NLRP5: variants seen among roughly 807,000 people sequenced by gnomAD.
NLRP5 encodes the protein NACHT, LRR and PYD domains-containing protein 5.
In NLRP5, 93 loss-of-function variants were observed where a neutral mutation model predicts 113.1. That is an observed-to-expected ratio of 0.82 (90% confidence interval 0.70 to 0.98). The LOEUF (loss-of-function observed/expected upper bound fraction) is 0.98. Ranked by LOEUF, NLRP5 falls within the 50% of genes least tolerant of loss-of-function variation. The probability of loss-of-function intolerance (pLI) is 0.00; values close to 1 mark genes in which losing one functional copy is unlikely to be tolerated. For missense variants in NLRP5, 1,808 were observed against 1,514.3 expected (o/e 1.19, Z -3.22); for synonymous variants, 751 against 600.7 (o/e 1.25, Z -3.66).
At chr19:56,000,599 C>T (rs1319627666) in intron 1 of NLRP5, among the ~76,000 whole-genome samples, 3 of 151,852 alleles carry the variant, frequency 2.0e-5, no homozygotes, top group African/African-American at 4.8e-5. Context: ...CTCCTGACCT[C>T]ATGATCCGCC....
Position 56,001,333 on chromosome 19 carries a change from AAAC to A in NLRP5, c.62+1549_62+1551del, listed in dbSNP as rs1235510754. 2.6e-3 allele frequency among the ~76,000 whole-genome samples: 352 copies of A among 138,032 alleles called. 7 individuals carry two copies. The highest frequency in any genetic ancestry group is 9.1e-3 in the African/African-American group (319 of 34,924). The allele number at this position is 138,032 out of a possible 152,430, so 90.6% of individuals were successfully genotyped here. A position where few individuals can be genotyped will look rare whatever the true frequency, so the allele number is the denominator to read the frequency against. On this transcript the variant is annotated intron_variant, in intron 1 of 14. Coordinates refer to ENST00000390649, the MANE Select transcript of NLRP5 (RefSeq NM_153447.4). ...GCAAGACTCAGTCATTTAAAAAAAAAAACAAACAAAAAACACCACAGCTTATTG... is the reference window on the plus strand; with the variant it reads ...GCAAGACTCAGTCATTTAAAAAAAAAAAACAAAAAACACCACAGCTTATTG...
the NLRP5 span, among the ~76,000 whole-genome samples, chr19:55,991,126 G>C: frequency 6.6e-6 from 1 of 152,262 alleles, no homozygotes. Flanking sequence ...TGTTTTTCTG[G>C]AGTGAGGAGG....
intron 3 of NLRP5, among the ~76,000 whole-genome samples, chr19:56,009,665 C>CA (rs1982105443): frequency 1.3e-5 from 2 of 152,264 alleles, no homozygotes; most frequent in Admixed American, 1.3e-4. Flanking sequence ...CAAGGGAAGG[C>CA]AAAACACACA....
intron 12 of NLRP5, among the ~76,000 whole-genome samples, 177 bp downstream of exon 12, chr19:56,050,765 G>C (rs1482080554): frequency 6.6e-6 from 1 of 152,182 alleles, no homozygotes; most frequent in Non-Finnish European, 1.5e-5. Context: ...GTGAGCATGG[G>C]AAGGGCCGAT....
At position 56,040,901 on chromosome 19, in the gene NLRP5, T is replaced by G. The variant is rs749353177; in HGVS notation, c.2787-21T>G. On this transcript the variant is annotated intron_variant, in intron 10 of 14. Transcript: ENST00000390649. The stretch of plus-strand genomic sequence containing the variant: ...TAAGAAGGCATCTCATCATGTCCTC[T>G]CTGGGGCTCTCTTCTTGCAGACTGG... 4 of 1,610,344 alleles carry G rather than the reference T, an allele frequency of 2.5e-6. 1 individual carries two copies. In the Middle Eastern group the frequency reaches 6.6e-4, roughly 267 times the overall value.
intron 10 of NLRP5, among the ~76,000 whole-genome samples, chr19:56,038,418 C>T (rs540605716): frequency 1.3e-4 from 20 of 152,230 alleles, no homozygotes; most frequent in South Asian, 1.2e-3. Flanking sequence ...AAGGTGGACG[C>T]GGGAATCAGC....
the NLRP5 span, among the ~76,000 whole-genome samples, chr19:55,990,079 C>CTTTTTTTTTTTTTTTTTTT: frequency 3.1e-5 from 3 of 95,952 alleles, no homozygotes; most frequent in Non-Finnish European, 6.0e-5. Flanking sequence ...TTTCTTTTTT[C>CTTTTTTTTTTTTTTTTTTT]TTTTTTTTTT....
At chr19:56,026,021 T>C (rs1982829999) in intron 6 of NLRP5, among the ~76,000 whole-genome samples, 1 of 151,906 alleles carries the variant, frequency 6.6e-6, no homozygotes, top group South Asian at 2.1e-4. Flanking sequence ...ACCCATCAGG[T>C]CCCCAGTGCA....
At position 56,061,498 on chromosome 19, in the gene NLRP5, T is replaced by A; in HGVS notation, c.3573T>A (p.Asp1191Glu). The A allele has an allele frequency of 6.2e-7, 1 of 1,614,034 alleles. No homozygotes were observed. The highest frequency in any genetic ancestry group is 8.5e-7 in the Non-Finnish European group (1 of 1,179,892). The change falls in exon 15 of 15, where the codon GAT (aspartate) becomes GAA (glutamate). Residue 1191 changes from aspartate to glutamate, a missense_variant. Asp to Glu is a conservative substitution (Grantham distance 45). Transcript: ENST00000390649. The stretch of plus-strand genomic sequence containing the variant: ...TTGACGGTAGTTGGCATTCTTTTGA[T>A]GAAGATGACCGGTACTGGTGGAAAA...
In NLRP5 at chr19:56,027,540, A is replaced by G; in HGVS notation, c.1307A>G (p.Gln436Arg). ...TTAGTTAGAGGAATCTCCGGGGAAC[A>G]AAGAATCCACTTGCTCCTTGAGCGC... Residue 436 changes from glutamine to arginine, a missense_variant, in exon 7 of 15, where the codon CAA becomes CGA. Physicochemically the swap from Gln to Arg is conservative, Grantham distance 43. Coordinates refer to ENST00000390649, the MANE Select transcript of NLRP5 (RefSeq NM_153447.4). 6.2e-7 allele frequency: 1 copy of G among 1,614,038 alleles called. No individual in the cohort carries two copies. Among genetic ancestry groups the G allele is most frequent in the Non-Finnish European group, 8.5e-7 (1 of 1,179,898 alleles).
rs758754503 is a variant in NLRP5 at position 56,053,663 on chromosome 19, G to A, written c.3154G>A (p.Ala1052Thr). 17 of 1,613,620 alleles carry A rather than the reference G, an allele frequency of 1.1e-5. No individual in the cohort carries two copies. Among genetic ancestry groups the A allele is most frequent in the Admixed American group, 3.3e-5 (2 of 59,980 alleles). ...GTTGGTAAAGTGTCATCTCACCGCCGCGTGCTGTGAGAGTCTGTCCTGTGT... is the reference window on the plus strand; with the variant it reads ...GTTGGTAAAGTGTCATCTCACCGCCACGTGCTGTGAGAGTCTGTCCTGTGT... The change falls in exon 13 of 15, where the codon GCG becomes ACG. Residue 1052 changes from alanine to threonine, a missense_variant. By Grantham distance (58) the Ala-to-Thr change is moderately conservative. Transcript: ENST00000390649.
intron 12 of NLRP5, among the ~76,000 whole-genome samples, chr19:56,052,173 TTTG>T (rs1159204981): frequency 1.4e-5 from 2 of 141,326 alleles, no homozygotes; most frequent in Admixed American, 1.5e-4. Flanking sequence ...TTTTCTTTTG[TTTG>T]TTTTTTGCTT....
Position 56,030,714 on chromosome 19 carries a change from C to CTTTTTTTTTTTTTTTTTTTTT in NLRP5, c.2277-1879_2277-1878insTTTTTTTTTTTTTTTTTTTTT, listed in dbSNP as rs770624516. On this transcript the variant is annotated intron_variant, in intron 7 of 14. Coordinates refer to ENST00000390649, the MANE Select transcript of NLRP5 (RefSeq NM_153447.4). ...ACTTACATTCATTCGCTTTCTTCTT[C>CTTTTTTTTTTTTTTTTTTTTT]TTTTTTTTTTTTTTTTTTGAGACGG... 9.9e-3 allele frequency among the ~76,000 whole-genome samples: 707 copies of CTTTTTTTTTTTTTTTTTTTTT among 71,266 alleles called. 141 individuals are homozygous for CTTTTTTTTTTTTTTTTTTTTT. The highest frequency in any genetic ancestry group is 0.048 in the Middle Eastern group (4 of 84). 46.8% of individuals were successfully genotyped at this position (71,266 alleles called of 152,430 possible). A position where few individuals can be genotyped will look rare whatever the true frequency, so the allele number is the denominator to read the frequency against.
chr19:55,998,702 ATGTGTGTG>A (rs144186734), upstream of NLRP5, among the ~76,000 whole-genome samples: 3,312 of 73,678 alleles, frequency 0.045, 171 homozygotes, highest in Middle Eastern at 0.11. Flanking sequence ...ATATATATAT[ATGTGTGTG>A]TGTGTATATA....
chr19:56,007,707 T>C (rs1415161991), intron 2 of NLRP5, among the ~76,000 whole-genome samples: 2 of 150,966 alleles, frequency 1.3e-5, no homozygotes, highest in Admixed American at 6.6e-5. Context: ...TCAGCACTGT[T>C]GCAAAAGTGT....
rs532245388 is a variant in NLRP5, at chr19:56,013,022, A to G, written c.509-2720A>G. 4.6e-5 allele frequency among the ~76,000 whole-genome samples: 7 copies of G among 152,082 alleles called. No homozygotes were observed. In the South Asian group the frequency reaches 1.5e-3, roughly 32 times the overall value. On this transcript the variant is annotated intron_variant, in intron 3 of 14. Transcript: ENST00000390649. The stretch of plus-strand genomic sequence containing the variant: ...TACCTAATTTCAGGAAATTTTCATC[A>G]CCCCAGAAAACCACATACCTATTAG...
chr19:56,038,294 G>A (rs1191653913), intron 10 of NLRP5, 99 bp downstream of exon 10: 1 of 1,315,462 alleles, frequency 7.6e-7, no homozygotes, highest in Non-Finnish European at 1.1e-6. Context: ...ATGAGCAGAT[G>A]TACAAACCAG....
chr19:55,988,912 G>A, the NLRP5 span, among the ~76,000 whole-genome samples: 1 of 152,072 alleles, frequency 6.6e-6, no homozygotes, highest in Non-Finnish European at 1.5e-5. Flanking sequence ...CTCAGAAGGG[G>A]GAGAAAAACC....
chr19:56,028,780 T>C (rs745934208), intron 7 of NLRP5, among the ~76,000 whole-genome samples: 15 of 152,274 alleles, frequency 9.9e-5, no homozygotes, highest in Middle Eastern at 3.4e-3. Flanking sequence ...TATTTTATTA[T>C]TTTAAGTCAG....
Sources: allele counts gnomAD v4.1 joint callset (sites outside exome capture counted in the v4.1 genomes callset), GRCh38; gene constraint gnomAD v4.1.1; transcripts MANE v1.5; gene names NCBI Gene and HGNC (gene_info 2026-07-23, HGNC 2026-07-21).